The following TMEM45A variants were observed in gnomAD, a reference collection of about 807,000 sequenced individuals.
The protein encoded by TMEM45A is transmembrane protein 45A, also known as DNA polymerase-transactivated protein 4.
TMEM45A carries 25 observed loss-of-function variants against 32.0 expected under a neutral mutation model. That is an observed-to-expected ratio of 0.78 (90% CI 0.57 to 1.09). TMEM45A has a LOEUF of 1.09. TMEM45A is among the 50% of genes least tolerant of loss of function. The pLI, the probability that TMEM45A is intolerant of heterozygous loss-of-function variation, is 0.00. For synonymous variants in TMEM45A, 122 were observed against 114.8 expected (o/e 1.06, Z -0.40); for missense variants, 302 against 325.0 (o/e 0.93, Z 0.54).
intron 5 of TMEM45A, among the ~76,000 whole-genome samples, chr3:100,576,635 A>G (rs1350320548): frequency 1.3e-5 from 2 of 152,130 alleles, no homozygotes; most frequent in South Asian, 2.1e-4. Context: ...AAAAAATAGA[A>G]AAGAAAAGAA....
chr3:100,499,046 G>GT (rs1003587281), intron 1 of TMEM45A, among the ~76,000 whole-genome samples: 50 of 150,180 alleles, frequency 3.3e-4, no homozygotes, highest in Admixed American at 6.0e-4. Context: ...TAAAATTAGG[G>GT]TTTTTTTTTC....
chr3:100,568,399 C>A (rs1446638376), intron 4 of TMEM45A, among the ~76,000 whole-genome samples: 1 of 152,160 alleles, frequency 6.6e-6, no homozygotes, highest in Non-Finnish European at 1.5e-5. Context: ...AAGCAGACAT[C>A]CATGTCTCGT....
chr3:100,563,655 C>A (rs1706375260), intron 4 of TMEM45A, among the ~76,000 whole-genome samples: 1 of 152,102 alleles, frequency 6.6e-6, no homozygotes, highest in African/African-American at 2.4e-5. Context: ...ATAACTGGGC[C>A]TTTGAACTGG....
At chr3:100,561,665 T>C (rs1276871308) in intron 4 of TMEM45A, among the ~76,000 whole-genome samples, 1 of 152,224 alleles carries the variant, frequency 6.6e-6, no homozygotes, top group East Asian at 1.9e-4. Context: ...TGTGTCTCTG[T>C]GTGGGAGAAT....
At chr3:100,539,224 A>G (rs1195945972) in intron 1 of TMEM45A, among the ~76,000 whole-genome samples, 3 of 152,196 alleles carry the variant, frequency 2.0e-5, no homozygotes, top group Non-Finnish European at 2.9e-5. Context: ...AGTGATCAAG[A>G]AAGTATGGTG....
At chr3:100,516,345 T>C (rs947358436) in intron 1 of TMEM45A, among the ~76,000 whole-genome samples, 2 of 152,200 alleles carry the variant, frequency 1.3e-5, no homozygotes, top group Non-Finnish European at 2.9e-5. Context: ...GCTTCATACA[T>C]AGTGACTTAT....
intron 1 of TMEM45A, among the ~76,000 whole-genome samples, chr3:100,525,045 G>A (rs539913417): frequency 7.9e-5 from 12 of 152,078 alleles, no homozygotes; most frequent in East Asian, 1.9e-4. Context: ...AAAATTAGCC[G>A]GGTGTGGCAA....
At chr3:100,551,271 C>A (rs1261190776) in intron 1 of TMEM45A, among the ~76,000 whole-genome samples, 1 of 152,066 alleles carries the variant, frequency 6.6e-6, no homozygotes. Context: ...TGTTGGCCTC[C>A]CAAAGTGCTG....
At chr3:100,532,092 G>A (rs1389422304) in intron 1 of TMEM45A, among the ~76,000 whole-genome samples, 2 of 152,178 alleles carry the variant, frequency 1.3e-5, no homozygotes, top group Non-Finnish European at 2.9e-5. Context: ...AGGACTATTA[G>A]CAAGTCTCAC....
chr3:100,559,239 C>G (rs926993027), intron 4 of TMEM45A, among the ~76,000 whole-genome samples: 7 of 152,220 alleles, frequency 4.6e-5, no homozygotes, highest in Non-Finnish European at 1.0e-4. Flanking sequence ...CATAATCCAA[C>G]ATGCATACAT....
intron 1 of TMEM45A, chr3:100,519,697 A>T: frequency 7.6e-7 from 1 of 1,314,062 alleles, no homozygotes; most frequent in Non-Finnish European, 1.1e-6. Flanking sequence ...TTTGAACCTG[A>T]CTGTACCGTG....
At chr3:100,521,472 C>T (rs933178043) in intron 1 of TMEM45A, among the ~76,000 whole-genome samples, 1 of 152,138 alleles carries the variant, frequency 6.6e-6, no homozygotes, top group African/African-American at 2.4e-5. Context: ...AGGCTGGTCT[C>T]GAGTTCCCGA....
intron 1 of TMEM45A, among the ~76,000 whole-genome samples, chr3:100,550,943 A>C (rs527350891): frequency 4.7e-5 from 7 of 150,404 alleles, no homozygotes; most frequent in Non-Finnish European, 1.0e-4. Flanking sequence ...AAGAATTTTT[A>C]GGATGAATCA....
intron 1 of TMEM45A, among the ~76,000 whole-genome samples, chr3:100,546,260 G>T (rs751565378): frequency 6.6e-6 from 1 of 152,226 alleles, no homozygotes; most frequent in Non-Finnish European, 1.5e-5. Context: ...CACCTTGATA[G>T]CCCAGTGAGA....
intron 1 of TMEM45A, among the ~76,000 whole-genome samples, chr3:100,496,759 T>C (rs1707935635): frequency 6.6e-6 from 1 of 152,218 alleles, no homozygotes; most frequent in African/African-American, 2.4e-5. Context: ...CCTGGTTGTC[T>C]AGCAGACACT....
At position 100,550,809 on chromosome 3, in the gene TMEM45A, C is replaced by T. The variant is rs148679175; in HGVS notation, c.-3-4400C>T. Among the ~76,000 whole-genome samples the T allele has an allele frequency of 9.2e-5, 14 of 152,148 alleles. No homozygotes were observed. The East Asian group carries it at 1.7e-3, about 19-fold the overall frequency. On this transcript the variant is annotated intron_variant, in intron 1 of 5. Coordinates refer to ENST00000323523, the MANE Select transcript of TMEM45A (RefSeq NM_018004.3). Reference sequence around the variant, plus strand: ...TGCATGGTGAGTGAGTCTGTGTTTACGCCGGGGGGTGTTCAGCAAAAAGTA... The same window carrying T: ...TGCATGGTGAGTGAGTCTGTGTTTATGCCGGGGGGTGTTCAGCAAAAAGTA...
rs765583245 is a variant in TMEM45A, at chr3:100,577,134, T to C, written c.*116T>C. On this transcript the variant is annotated 3_prime_UTR_variant, in exon 6 of 6. Coordinates refer to ENST00000323523, the MANE Select transcript of TMEM45A (RefSeq NM_018004.3). Reference sequence around the variant, plus strand: ...TGGCTAAGGATGACTCTAAGTGTACTGTTTGCATTTCCAATTTGGTTAAAG... The same window carrying C: ...TGGCTAAGGATGACTCTAAGTGTACCGTTTGCATTTCCAATTTGGTTAAAG... 15 of 733,572 alleles carry C rather than the reference T, an allele frequency of 2.0e-5. No homozygotes were observed. The highest frequency in any genetic ancestry group is 3.0e-5 in the Non-Finnish European group (14 of 460,712). 45.4% of individuals were successfully genotyped at this position (733,572 alleles called of 1,614,324 possible).
At chr3:100,546,447 C>T (rs1705981955) in intron 1 of TMEM45A, among the ~76,000 whole-genome samples, 2 of 152,216 alleles carry the variant, frequency 1.3e-5, no homozygotes, top group Admixed American at 1.3e-4. Context: ...TCATTGCTCA[C>T]TGAGTTGAAT....
At chr3:100,507,935 G>C (rs1478219862) in intron 1 of TMEM45A, among the ~76,000 whole-genome samples, 2 of 150,658 alleles carry the variant, frequency 1.3e-5, no homozygotes, top group Non-Finnish European at 3.0e-5. Context: ...CCACAAAAGA[G>C]GACCAAAACA....
Sources: gnomAD v4.1 joint callset for allele counts (sites outside exome capture counted in the v4.1 genomes callset) on GRCh38, gnomAD v4.1.1 for gene constraint, MANE v1.5 for transcripts, NCBI Gene and HGNC (gene_info 2026-07-23, HGNC 2026-07-21) for gene names.